Variants in LOC122539214 observed in about 807,000 individuals in gnomAD.
chr19:52,681,494 T>C, the LOC122539214 span, among the ~76,000 whole-genome samples: 1 of 152,198 alleles, frequency 6.6e-6, no homozygotes, highest in African/African-American at 2.4e-5. Context: ...ATAACATTTT[T>C]GAATGCTTCC....
the LOC122539214 span, among the ~76,000 whole-genome samples, chr19:52,662,544 T>G: frequency 6.6e-6 from 1 of 152,182 alleles, no homozygotes; most frequent in East Asian, 1.9e-4. Context: ...TACCTGTTTT[T>G]TCCATTCTGG....
At chr19:52,672,649 G>GAC in the LOC122539214 span, among the ~76,000 whole-genome samples, 1 of 152,080 alleles carries the variant, frequency 6.6e-6, no homozygotes, top group Non-Finnish European at 1.5e-5. Flanking sequence ...GCCTAGGCTG[G>GAC]GGTGCAATGG....
chr19:52,672,582 G>A, the LOC122539214 span, among the ~76,000 whole-genome samples: 1 of 152,142 alleles, frequency 6.6e-6, no homozygotes, highest in African/African-American at 2.4e-5. Flanking sequence ...TCATCTTTAT[G>A]TTTTAAAAAT....
the LOC122539214 span, among the ~76,000 whole-genome samples, chr19:52,687,214 G>A: frequency 1.4e-5 from 2 of 147,920 alleles, no homozygotes; most frequent in Admixed American, 6.9e-5. Context: ...TGTAGGCCAG[G>A]CGCAGTGCCT....
the LOC122539214 span, chr19:52,652,524 T>G: frequency 8.8e-6 from 4 of 455,074 alleles, no homozygotes; most frequent in Non-Finnish European, 1.8e-5. Flanking sequence ...AAGATGAAGC[T>G]TGACTGAAGA....
At chr19:52,683,509 CTGA>C in the LOC122539214 span, among the ~76,000 whole-genome samples, 1 of 31,378 alleles carries the variant, frequency 3.2e-5, no homozygotes, top group Non-Finnish European at 6.5e-5. Flanking sequence ...CCCACCCTTC[CTGA>C]AGGGAATCCA....
At chr19:52,690,312 AC>A in the LOC122539214 span, 1 of 152,844 alleles carries the variant, frequency 6.5e-6, no homozygotes, top group African/African-American at 2.4e-5. Context: ...CCAGACTCTC[AC>A]GGGGATGTCT....
chr19:52,672,710 T>C, the LOC122539214 span, among the ~76,000 whole-genome samples: 1 of 152,158 alleles, frequency 6.6e-6, no homozygotes, highest in Non-Finnish European at 1.5e-5. Flanking sequence ...AATGATTCTC[T>C]TGCCTCAGCC....
At chr19:52,652,961 C>T in the LOC122539214 span, 1 of 1,288,228 alleles carries the variant, frequency 7.8e-7, no homozygotes, top group Non-Finnish European at 1.1e-6. Context: ...AAGGTCTTGC[C>T]ACACTCATTA....
the LOC122539214 span, among the ~76,000 whole-genome samples, chr19:52,660,568 A>T: frequency 6.6e-6 from 1 of 152,142 alleles, no homozygotes; most frequent in Non-Finnish European, 1.5e-5. Flanking sequence ...CAGTGATCCC[A>T]GATTGCTCCA....
the LOC122539214 span, among the ~76,000 whole-genome samples, chr19:52,684,360 A>T: frequency 0.024 from 3,589 of 151,872 alleles, 152 homozygotes; most frequent in African/African-American, 0.082. Context: ...AGTGAGACTC[A>T]AAAATAAAAT....
At chr19:52,671,542 C>A in the LOC122539214 span, among the ~76,000 whole-genome samples, 2 of 151,968 alleles carry the variant, frequency 1.3e-5, no homozygotes, top group Admixed American at 1.3e-4. Context: ...CTCTGGTGCT[C>A]AAGCAATCCT....
the LOC122539214 span, chr19:52,655,298 A>T: frequency 3.0e-6 from 1 of 336,614 alleles, no homozygotes; most frequent in African/African-American, 2.2e-5. Context: ...CAGGGCTACC[A>T]GGGGCATCTC....
chr19:52,688,046 A>G, the LOC122539214 span, among the ~76,000 whole-genome samples: 1 of 152,102 alleles, frequency 6.6e-6, no homozygotes, highest in East Asian at 1.9e-4. Flanking sequence ...GAATTTTAAA[A>G]TTCTCAATCT....
At chr19:52,655,671 C>G in the LOC122539214 span, 1 of 1,228,416 alleles carries the variant, frequency 8.1e-7, no homozygotes, top group South Asian at 1.2e-5. Flanking sequence ...AGCCACATCC[C>G]TGAAAGTCAA....
At chr19:52,689,346 C>T in the LOC122539214 span, among the ~76,000 whole-genome samples, 50 of 152,152 alleles carry the variant, frequency 3.3e-4, no homozygotes, top group South Asian at 8.5e-3. Flanking sequence ...CATCTCAGCG[C>T]CTCCTCTGCT....
chr19:52,661,076 G>A, the LOC122539214 span, among the ~76,000 whole-genome samples: 3 of 151,886 alleles, frequency 2.0e-5, no homozygotes, highest in Non-Finnish European at 4.4e-5. Flanking sequence ...TGTTGGCCAG[G>A]AGAGTCTCAA....
chr19:52,669,100 G>C, the LOC122539214 span, among the ~76,000 whole-genome samples: 1 of 152,196 alleles, frequency 6.6e-6, no homozygotes, highest in Non-Finnish European at 1.5e-5. Flanking sequence ...CAGATGCATA[G>C]TGGTATTATG....
At chr19:52,686,071 C>T in the LOC122539214 span, among the ~76,000 whole-genome samples, 2 of 152,090 alleles carry the variant, frequency 1.3e-5, no homozygotes, top group East Asian at 3.9e-4. Context: ...GGAAAGAAAA[C>T]TGAAAAATAG....
Sources: allele counts gnomAD v4.1 joint callset (sites outside exome capture counted in the v4.1 genomes callset), GRCh38; gene constraint gnomAD v4.1.1; transcripts MANE v1.5.